Variants in SEC14L5 observed in about 807,000 individuals in gnomAD.
SEC14L5 encodes the protein SEC14 like lipid binding 5.
SEC14L5 carries 96 observed loss-of-function variants against 84.6 expected under a neutral mutation model. That is an observed-to-expected ratio of 1.13 (90% CI 0.96 to 1.34). The LOEUF is 1.34. Ranked by LOEUF, SEC14L5 falls within the 40% of genes most tolerant of loss-of-function variation. The pLI, the probability that SEC14L5 is intolerant of heterozygous loss-of-function variation, is 0.00. For synonymous variants in SEC14L5, 546 were observed against 383.4 expected (o/e 1.42, Z -4.95); for missense variants, 1,224 against 942.5 (o/e 1.30, Z -3.91).
intron 2 of SEC14L5, among the ~76,000 whole-genome samples, chr16:4,965,529 C>T (rs543893366): frequency 3.6e-4 from 54 of 151,340 alleles, no homozygotes; most frequent in East Asian, 3.1e-3. Context: ...GGTGTGGTGG[C>T]GGGCGCCTGT....
chr16:4,966,943 G>A (rs143652115), intron 2 of SEC14L5, among the ~76,000 whole-genome samples: 252 of 152,308 alleles, frequency 1.7e-3, no homozygotes, highest in Non-Finnish European at 2.6e-3. Flanking sequence ...GGCCAAGCCC[G>A]GGAGTGTTTA....
chr16:4,959,796 C>G (rs1395164336), intron 2 of SEC14L5, among the ~76,000 whole-genome samples: 1 of 152,092 alleles, frequency 6.6e-6, no homozygotes, highest in African/African-American at 2.4e-5. Flanking sequence ...CTTCCAATTC[C>G]CGATAGCTGT....
At position 4,991,981 on chromosome 16, in the gene SEC14L5, C is replaced by A. The variant is rs377730309; in HGVS notation, c.618C>A (p.His206Gln). 25 of 1,587,178 alleles carry A rather than the reference C, an allele frequency of 1.6e-5. No homozygotes were observed. The African/African-American group carries it at 3.2e-4, about 20-fold the overall frequency. Residue 206 changes from histidine to glutamine, a missense_variant, in exon 6 of 16, where the codon CAC (histidine) becomes CAA (glutamine). His to Gln is a conservative substitution (Grantham distance 24). Coordinates refer to ENST00000251170, the MANE Select transcript of SEC14L5 (RefSeq NM_014692.2). ...GGGACCCCAGCTCCCTGGAGGCCCA[C>A]GGGCCCCGTAGCACCCTGGGGCCCG... is the stretch of plus-strand genomic sequence containing the variant. ...GPRDPSSLEA[H>Q]GPRSTLGPAL...
Position 5,014,986 on chromosome 16 carries a change from C to G in SEC14L5, c.*16C>G, listed in dbSNP as rs554955573. On this transcript the variant is annotated 3_prime_UTR_variant, in exon 16 of 16. Transcript: ENST00000251170. ...CTCCAGATAGCCGGGCCCAGTGTTT[C>G]AGGGCCGCCCGCTCGCCTCCAGTGT... The G allele has an allele frequency of 1.9e-6, 3 of 1,580,650 alleles. No individual in the cohort carries two copies. Among genetic ancestry groups the G allele is most frequent in the African/African-American group, 2.7e-5 (2 of 74,578 alleles).
At chr16:5,005,448 G>A (rs62036197) in intron 11 of SEC14L5, among the ~76,000 whole-genome samples, 6 of 151,832 alleles carry the variant, frequency 4.0e-5, no homozygotes, top group African/African-American at 1.5e-4. Flanking sequence ...TCCTTCTGGG[G>A]TGATGAACAT....
At chr16:4,961,079 G>A (rs574751257) in intron 2 of SEC14L5, among the ~76,000 whole-genome samples, 11 of 152,254 alleles carry the variant, frequency 7.2e-5, no homozygotes, top group South Asian at 2.1e-4. Flanking sequence ...AGACAATCCC[G>A]TGTAACACGG....
chr16:4,991,727 A>T, intron 5 of SEC14L5, 111 bp from the exon 6 acceptor site: 1 of 614,276 alleles, frequency 1.6e-6, no homozygotes, highest in Non-Finnish European at 2.7e-6. Context: ...CTCAATAGCC[A>T]CGTGTCGGGG....
intron 8 of SEC14L5, among the ~76,000 whole-genome samples, chr16:5,000,136 C>T (rs562336126): frequency 2.0e-5 from 3 of 151,726 alleles, no homozygotes; most frequent in South Asian, 4.2e-4. Context: ...ACTAAAAATA[C>T]GAAAATTAGC....
At chr16:4,966,025 G>C (rs1488584213) in intron 2 of SEC14L5, among the ~76,000 whole-genome samples, 1 of 152,134 alleles carries the variant, frequency 6.6e-6, no homozygotes, top group Non-Finnish European at 1.5e-5. Flanking sequence ...CTGGGCAACA[G>C]AGTGAGACCC....
At chr16:4,993,966 C>CTTTTTT (rs374711543) in intron 6 of SEC14L5, among the ~76,000 whole-genome samples, 1 of 138,550 alleles carries the variant, frequency 7.2e-6, no homozygotes, top group African/African-American at 2.7e-5. Flanking sequence ...GACTGTTTTC[C>CTTTTTT]TTTTTTTTTT....
In SEC14L5 at chr16:5,016,165, T is replaced by TC. The variant is rs1404363417; in HGVS notation, c.*1195_*1196insC. On this transcript the variant is annotated 3_prime_UTR_variant, in exon 16 of 16. Coordinates refer to ENST00000251170, the MANE Select transcript of SEC14L5 (RefSeq NM_014692.2). ...CCCCCCGCGAGTGGAGGCTGCTGTG[T>TC]TTGCCCTGGGGCAGATATGACTCTG... The TC allele has an allele frequency of 5.9e-5, 9 of 152,164 alleles. No individual in the cohort carries two copies. The highest frequency in any genetic ancestry group is 1.2e-4 in the Non-Finnish European group (8 of 68,050). 9.4% of individuals were successfully genotyped at this position (152,164 alleles called of 1,614,324 possible).
At chr16:5,001,102 G>T (rs937468851) in intron 10 of SEC14L5, among the ~76,000 whole-genome samples, 177 bp downstream of exon 10, 3 of 152,114 alleles carry the variant, frequency 2.0e-5, no homozygotes, top group African/African-American at 4.8e-5. Context: ...CGTTTTCTAT[G>T]CATGGGGAAA....
In SEC14L5 at chr16:5,010,042, A is replaced by G. The variant is rs148730531; in HGVS notation, c.1801-1053A>G. ...GCACTGTGGTTTCAGAACTGATGCA[A>G]AAGAAACTGTAGGTCTTGGGCCGGG... On this transcript the variant is annotated intron_variant, in intron 14 of 15. Transcript: ENST00000251170. Among the ~76,000 whole-genome samples the G allele has an allele frequency of 1.9e-3, 289 of 152,032 alleles. 2 individuals carry two copies. The highest frequency in any genetic ancestry group is 6.4e-3 in the African/African-American group (264 of 41,464).
At chr16:4,959,608 G>T (rs1955094396) in intron 2 of SEC14L5, among the ~76,000 whole-genome samples, 1 of 152,064 alleles carries the variant, frequency 6.6e-6, no homozygotes, top group South Asian at 2.1e-4. Context: ...CCTTCTCCTT[G>T]TTGAAGCTGA....
intron 2 of SEC14L5, among the ~76,000 whole-genome samples, chr16:4,976,202 T>G (rs1040130604): frequency 6.6e-6 from 1 of 152,210 alleles, no homozygotes. Flanking sequence ...AGTAGCAAGG[T>G]AGCTACTTTT....
chr16:5,005,691 C>T (rs558910478), intron 11 of SEC14L5, among the ~76,000 whole-genome samples: 31 of 151,050 alleles, frequency 2.1e-4, no homozygotes, highest in Non-Finnish European at 3.7e-4. Flanking sequence ...GAAACCCCGT[C>T]TGTACTAAAA....
At chr16:4,997,130 ACT>A in intron 8 of SEC14L5, 86 bp downstream of exon 8, 1 of 990,984 alleles carries the variant, frequency 1.0e-6, no homozygotes, top group Non-Finnish European at 1.4e-6. Context: ...ATGGGGTCTC[ACT>A]CTGTCACCCA....
At chr16:5,010,188 C>CAAAA (rs59942135) in intron 14 of SEC14L5, among the ~76,000 whole-genome samples, 1 of 43,646 alleles carries the variant, frequency 2.3e-5, no homozygotes, top group African/African-American at 1.3e-4. Flanking sequence ...ACTAAAAATA[C>CAAAA]AAAAAAAAAA....
At chr16:5,005,649 C>T (rs949881537) in intron 11 of SEC14L5, among the ~76,000 whole-genome samples, 34 of 151,882 alleles carry the variant, frequency 2.2e-4, no homozygotes, top group Middle Eastern at 3.2e-3. Flanking sequence ...ATCACGAGGT[C>T]AGGAGATCGA....
Sources: gnomAD v4.1 joint callset for allele counts (sites outside exome capture counted in the v4.1 genomes callset) on GRCh38, gnomAD v4.1.1 for gene constraint, MANE v1.5 for transcripts, NCBI Gene and HGNC (gene_info 2026-07-23, HGNC 2026-07-21) for gene names.